Variants in NVL observed in about 807,000 individuals in gnomAD.
NVL encodes the protein nuclear valosin-containing protein-like.
In NVL, 84 loss-of-function variants were observed where a neutral mutation model predicts 110.2. That is an observed-to-expected ratio of 0.76 (90% CI 0.64 to 0.91). The LOEUF (loss-of-function observed/expected upper bound fraction) is 0.91. Ranked by LOEUF, NVL falls within the 40% of genes least tolerant of loss-of-function variation. The pLI, the probability that NVL is intolerant of heterozygous loss-of-function variation, is 0.00. For synonymous variants in NVL, 354 were observed against 361.1 expected, an observed-to-expected ratio of 0.98 and a Z score of 0.22; for missense variants, 882 against 1,035.9, an observed-to-expected ratio of 0.85 and a Z score of 2.04.
intron 6 of NVL, 48 bp downstream of exon 6, chr1:224,307,943 T>A: frequency 2.7e-6 from 4 of 1,494,932 alleles, no homozygotes; most frequent in Non-Finnish European, 3.6e-6. Flanking sequence ...ACTAAAAGGT[T>A]GAAATGTACT....
chr1:224,267,245 T>C (rs1664580888), intron 18 of NVL, among the ~76,000 whole-genome samples: 1 of 152,162 alleles, frequency 6.6e-6, no homozygotes. Context: ...TTTTCAGTAA[T>C]TATTCAGGGC....
At chr1:224,318,420 T>A (rs565185289) in intron 2 of NVL, among the ~76,000 whole-genome samples, 3 of 151,018 alleles carry the variant, frequency 2.0e-5, no homozygotes, top group African/African-American at 7.3e-5. Flanking sequence ...CCTGCCAACA[T>A]AGGGAAACCC....
chr1:224,294,573 A>C (rs1431137789), intron 11 of NVL, among the ~76,000 whole-genome samples, 162 bp from the exon 12 acceptor site: 1 of 152,234 alleles, frequency 6.6e-6, no homozygotes, highest in East Asian at 1.9e-4. Flanking sequence ...AAAAGGTGTG[A>C]GGAGGATAAA....
At chr1:224,314,507 C>G (rs560778286) in intron 4 of NVL, among the ~76,000 whole-genome samples, 1 of 152,044 alleles carries the variant, frequency 6.6e-6, no homozygotes, top group African/African-American at 2.4e-5. Context: ...CAATTTATCA[C>G]AATTGACATA....
At chr1:224,242,792 A>G (rs1311424863) in intron 19 of NVL, among the ~76,000 whole-genome samples, 3 of 149,406 alleles carry the variant, frequency 2.0e-5, no homozygotes, top group African/African-American at 7.4e-5. Flanking sequence ...ATCTATTCTT[A>G]ACTACACATC....
At chr1:224,271,067 C>T (rs749896195) in intron 17 of NVL, among the ~76,000 whole-genome samples, 2 of 152,166 alleles carry the variant, frequency 1.3e-5, no homozygotes, top group African/African-American at 2.4e-5. Context: ...GTTCTATTTA[C>T]AACTGGAAAC....
intron 18 of NVL, among the ~76,000 whole-genome samples, chr1:224,259,856 C>T (rs144316786): frequency 1.5e-3 from 217 of 145,350 alleles, no homozygotes; most frequent in Middle Eastern, 3.5e-3. Flanking sequence ...TTAGTAGAGA[C>T]GAGATTTTTG....
At chr1:224,303,997 C>T (rs1572011955) in intron 8 of NVL, 140 bp from the exon 9 acceptor site, 1 of 868,558 alleles carries the variant, frequency 1.2e-6, no homozygotes, top group Admixed American at 3.6e-5. Flanking sequence ...TGAATCCTGG[C>T]TCTGGTACCT....
At chr1:224,242,752 G>C (rs7522895) in intron 19 of NVL, among the ~76,000 whole-genome samples, 112,841 of 151,278 alleles carry the variant, frequency 0.75, 43,803 homozygotes, top group South Asian at 0.87. Context: ...ACAGGTGTGA[G>C]TCACCATGCC....
At chr1:224,232,685 TCAAATAATAA>T (rs1167894550) in intron 21 of NVL, among the ~76,000 whole-genome samples, 4 of 152,110 alleles carry the variant, frequency 2.6e-5, no homozygotes, top group African/African-American at 9.7e-5. Flanking sequence ...CCATATGCAC[TCAAATAATAA>T]CATTAAAGAC....
At chr1:224,295,218 A>G (rs1481792364) in intron 11 of NVL, among the ~76,000 whole-genome samples, 6 of 151,096 alleles carry the variant, frequency 4.0e-5, no homozygotes, top group Non-Finnish European at 8.8e-5. Context: ...TTTGAGACGG[A>G]GTCTCGCTCT....
chr1:224,273,452 C>G (rs74903962), intron 17 of NVL, among the ~76,000 whole-genome samples: 8,420 of 151,802 alleles, frequency 0.055, 277 homozygotes, highest in East Asian at 0.098. Flanking sequence ...CAGTAGACAT[C>G]CAAGAAACAG....
At chr1:224,328,469 G>GAAAA (rs34119387) in intron 1 of NVL, among the ~76,000 whole-genome samples, 1 of 144,050 alleles carries the variant, frequency 6.9e-6, no homozygotes, top group Non-Finnish European at 1.5e-5. Context: ...GCAGTGAGCA[G>GAAAA]AAAAAAAAAA....
chr1:224,238,086 T>C (rs1180857635), intron 19 of NVL, among the ~76,000 whole-genome samples: 1 of 151,954 alleles, frequency 6.6e-6, no homozygotes, highest in Non-Finnish European at 1.5e-5. Context: ...CCAGGCTTAG[T>C]GCAATGGCGC....
chr1:224,280,174 T>G (rs1481393949), intron 16 of NVL, among the ~76,000 whole-genome samples: 7 of 145,652 alleles, frequency 4.8e-5, no homozygotes, highest in African/African-American at 1.8e-4. Context: ...CTGCTGTTTT[T>G]TTTTGTTTTT....
At chr1:224,303,884 C>A in intron 8 of NVL, 27 bp from the exon 9 acceptor site, 1 of 1,581,454 alleles carries the variant, frequency 6.3e-7, no homozygotes, top group Non-Finnish European at 8.6e-7. Flanking sequence ...ACAAAGATGT[C>A]TTTCAAGACA....
chr1:224,318,314 A>C (rs986552901), intron 2 of NVL, among the ~76,000 whole-genome samples: 1 of 152,184 alleles, frequency 6.6e-6, no homozygotes, highest in Non-Finnish European at 1.5e-5. Context: ...TTTGAAAATA[A>C]GTTCTAGGCC....
intron 2 of NVL, among the ~76,000 whole-genome samples, chr1:224,323,120 GAT>G (rs963207823): frequency 2.0e-5 from 3 of 152,194 alleles, no homozygotes; most frequent in Non-Finnish European, 2.9e-5. Flanking sequence ...TGAGAAGCAG[GAT>G]ATTGGAAATT....
chr1:224,227,398 A>T lies in NVL; in HGVS notation c.*228T>A. 1 of 339,628 alleles carries T rather than the reference A, an allele frequency of 2.9e-6. No individual in the cohort carries two copies. Among genetic ancestry groups the T allele is most frequent in the Non-Finnish European group, 5.5e-6 (1 of 182,448 alleles). 21.0% of individuals were successfully genotyped at this position (339,628 alleles called of 1,614,324 possible). ...AATGTAACAGTCATTTTATTTCAGC[A>T]GTTTAAAAATTGTCCTTTTTCTTAA... On this transcript the variant is annotated 3_prime_UTR_variant, in exon 23 of 23. Coordinates refer to ENST00000281701, the MANE Select transcript of NVL (RefSeq NM_002533.4).
Sources: gnomAD v4.1 joint callset for allele counts (sites outside exome capture counted in the v4.1 genomes callset) on GRCh38, gnomAD v4.1.1 for gene constraint, MANE v1.5 for transcripts, NCBI Gene and HGNC (gene_info 2026-07-23, HGNC 2026-07-21) for gene names.